Variants in SAMD8 observed in about 807,000 individuals in gnomAD.
SAMD8 encodes the protein sphingomyelin synthase-related protein 1.
SAMD8 carries 20 observed loss-of-function variants against 42.0 expected under a neutral mutation model. That is an observed-to-expected ratio of 0.48 (90% CI 0.34 to 0.69). The LOEUF (loss-of-function observed/expected upper bound fraction) is 0.69. Ranked by LOEUF, SAMD8 falls within the 30% of genes least tolerant of loss-of-function variation. SAMD8 has a pLI of 0.01. For missense variants in SAMD8, 328 were observed against 511.6 expected (o/e 0.64, Z 3.46); for synonymous variants, 162 against 173.0 (o/e 0.94, Z 0.50).
At chr10:75,173,554 A>G (rs74400404) in intron 4 of SAMD8, among the ~76,000 whole-genome samples, 2,108 of 152,302 alleles carry the variant, frequency 0.014, 51 homozygotes, top group African/African-American at 0.048. Flanking sequence ...TCCTTGGTTG[A>G]GACATTTTCC....
chr10:75,108,306 G>A, upstream of SAMD8: 1 of 1,494,334 alleles, frequency 6.7e-7, no homozygotes, highest in Non-Finnish European at 8.8e-7. Flanking sequence ...CGAGCCATTA[G>A]GGTCCAAAGA....
At chr10:75,157,401 G>A (rs890218483) in intron 2 of SAMD8, among the ~76,000 whole-genome samples, 8 of 152,186 alleles carry the variant, frequency 5.3e-5, no homozygotes, top group African/African-American at 1.9e-4. Flanking sequence ...TAGATGAAAA[G>A]GAATGGTACC....
chr10:75,148,160 A>G (rs904958842), intron 1 of SAMD8, among the ~76,000 whole-genome samples: 13 of 152,110 alleles, frequency 8.5e-5, no homozygotes, highest in Non-Finnish European at 1.5e-4. Flanking sequence ...TAAATACTTA[A>G]TGTTTAACTG....
chr10:75,153,553 G>T (rs1398692504), intron 2 of SAMD8, among the ~76,000 whole-genome samples: 3 of 151,644 alleles, frequency 2.0e-5, no homozygotes, highest in Non-Finnish European at 4.4e-5. Flanking sequence ...GGCAGAGGTT[G>T]CAGTGAGCCG....
At chr10:75,161,111 C>T (rs1447479631) in intron 2 of SAMD8, among the ~76,000 whole-genome samples, 2 of 152,128 alleles carry the variant, frequency 1.3e-5, no homozygotes, top group Non-Finnish European at 2.9e-5. Context: ...TCTACTCTGA[C>T]AGAAGACTAG....
At chr10:75,109,256 G>T, upstream of SAMD8, 1 of 1,388,430 alleles carries the variant, frequency 7.2e-7, no homozygotes, top group East Asian at 2.7e-5. Flanking sequence ...GGTGACAGAA[G>T]CAAGTGACTC....
intron 4 of SAMD8, among the ~76,000 whole-genome samples, chr10:75,173,701 C>T (rs1264989151): frequency 6.6e-6 from 1 of 152,188 alleles, no homozygotes; most frequent in Non-Finnish European, 1.5e-5. Context: ...ATAATAAATT[C>T]TTCTTCCTTT....
chr10:75,165,016 C>T (rs528054725), intron 3 of SAMD8, among the ~76,000 whole-genome samples: 1 of 152,320 alleles, frequency 6.6e-6, no homozygotes, highest in African/African-American at 2.4e-5. Context: ...AGAGGCTGGG[C>T]GCGGTGGCTC....
At chr10:75,121,227 T>G (rs943658273) in intron 1 of SAMD8, among the ~76,000 whole-genome samples, 3 of 152,196 alleles carry the variant, frequency 2.0e-5, no homozygotes, top group African/African-American at 7.2e-5. Flanking sequence ...AAGAAAGTTA[T>G]GTAACTTCTG....
rs746761320 is a variant in SAMD8, at chr10:75,101,889, C to G, written c.-16+2161C>G. On this transcript the variant is annotated intron_variant, in intron 1 of 3. Transcript: ENST00000447533. Reference sequence around the variant, plus strand: ...CACCTGTGGGAGTATCTGGCCCAGGCTGTGCACTTCTCTGACGGGCAGTTC... The same window carrying G: ...CACCTGTGGGAGTATCTGGCCCAGGGTGTGCACTTCTCTGACGGGCAGTTC... 4.4e-6 allele frequency: 6 copies of G among 1,367,116 alleles called. No homozygotes were observed. The South Asian group carries it at 6.8e-5, about 16-fold the overall frequency. The allele number at this position is 1,367,116 out of a possible 1,614,324, so 84.7% of individuals were successfully genotyped here.
chr10:75,153,136 C>T (rs1233122995), intron 2 of SAMD8, among the ~76,000 whole-genome samples: 2 of 151,938 alleles, frequency 1.3e-5, no homozygotes, highest in Non-Finnish European at 2.9e-5. Flanking sequence ...CACCCACCAC[C>T]ACGACCGGCT....
intron 3 of SAMD8, among the ~76,000 whole-genome samples, chr10:75,165,173 C>T (rs985277993): frequency 6.6e-6 from 1 of 152,128 alleles, no homozygotes; most frequent in Non-Finnish European, 1.5e-5. Context: ...GCCTATAATC[C>T]CAGCTACTTG....
chr10:75,145,097 T>A (rs1157097540), intron 1 of SAMD8, among the ~76,000 whole-genome samples: 1 of 152,212 alleles, frequency 6.6e-6, no homozygotes, highest in African/African-American at 2.4e-5. Flanking sequence ...TTTTTACTTA[T>A]CTATTTCCTT....
chr10:75,113,897 G>T lies in SAMD8; in HGVS notation c.-16+2175G>T, dbSNP rs541417326. Among the ~76,000 whole-genome samples the T allele has an allele frequency of 1.9e-4, 29 of 152,308 alleles. No homozygotes were observed. In the East Asian group the frequency reaches 5.6e-3, roughly 29 times the overall value. ...AAAAATTTGCTGAACTGCAATATAA[G>T]AACTCTATTAAGATTACAGCTTAAT... On this transcript the variant is annotated intron_variant, in intron 1 of 5. Transcript: ENST00000542569.
chr10:75,107,961 A>G (rs1302308932), upstream of SAMD8: 5 of 1,587,606 alleles, frequency 3.1e-6, no homozygotes, highest in African/African-American at 1.3e-5. Flanking sequence ...AATGAGCAAG[A>G]TGGGATATGG....
intron 3 of SAMD8, among the ~76,000 whole-genome samples, chr10:75,166,182 G>A (rs1840673224): frequency 6.6e-6 from 1 of 151,894 alleles, no homozygotes; most frequent in Admixed American, 6.6e-5. Flanking sequence ...CTCACAGGCA[G>A]TGTACCCAGA....
rs141190938 is a variant in SAMD8 at position 75,145,821 on chromosome 10, T to C, written c.-15-4693T>C. 2.0e-5 allele frequency among the ~76,000 whole-genome samples: 3 copies of C among 152,336 alleles called. No homozygotes were observed. In the East Asian group the frequency reaches 5.8e-4, roughly 29 times the overall value. ...TTGCTGCCTTAGGGTTAGTTTTGCC[T>C]TACTACTATGGCAAGATCTTTCTGT... On this transcript the variant is annotated intron_variant, in intron 1 of 5. Transcript: ENST00000542569.
In SAMD8 at chr10:75,161,705, A is replaced by G. The variant is rs897890718; in HGVS notation, c.579-2940A>G. Reference sequence around the variant, plus strand: ...TTCAGAGAAAAAGAGCTTTTGGGGGAAAAAAAAAAAGTAGAGATTTAAAAT... The same window carrying G: ...TTCAGAGAAAAAGAGCTTTTGGGGGGAAAAAAAAAAGTAGAGATTTAAAAT... On this transcript the variant is annotated intron_variant, in intron 2 of 5. Coordinates refer to ENST00000542569, the MANE Select transcript of SAMD8 (RefSeq NM_001174156.2). Among the ~76,000 whole-genome samples the G allele has an allele frequency of 1.3e-3, 184 of 141,016 alleles. 1 individual carries two copies. Among genetic ancestry groups the G allele is most frequent in the East Asian group, 6.8e-3 (34 of 4,980 alleles). The allele number at this position is 141,016 out of a possible 152,430, so 92.5% of individuals were successfully genotyped here. A position where few individuals can be genotyped will look rare whatever the true frequency, so the allele number is the denominator to read the frequency against.
intron 1 of SAMD8, among the ~76,000 whole-genome samples, chr10:75,130,322 A>G (rs1849245953): frequency 1.3e-5 from 2 of 151,846 alleles, no homozygotes; most frequent in African/African-American, 4.8e-5. Flanking sequence ...ACCAACATGG[A>G]GAAACCCCGT....
Sources: allele counts gnomAD v4.1 joint callset (sites outside exome capture counted in the v4.1 genomes callset), GRCh38; gene constraint gnomAD v4.1.1; transcripts MANE v1.5; gene names NCBI Gene and HGNC (gene_info 2026-07-23, HGNC 2026-07-21).